Variants in SORBS2 observed in about 807,000 individuals in gnomAD.
SORBS2 encodes the protein sorbin and SH3 domain-containing protein 2.
A neutral mutation model predicts 97.7 loss-of-function variants in SORBS2; 46 were observed. That is an observed-to-expected ratio of 0.47 (90% CI 0.37 to 0.60). The LOEUF (loss-of-function observed/expected upper bound fraction) is 0.60. SORBS2 is among the 20% of genes least tolerant of loss of function. The pLI is 0.00. For synonymous variants in SORBS2, 476 were observed against 473.4 expected, an observed-to-expected ratio of 1.01 and a Z score of -0.07; for missense variants, 1,316 against 1,282.3, an observed-to-expected ratio of 1.03 and a Z score of -0.40.
At chr4:185,620,451 G>A (rs1222738571) in intron 7 of SORBS2, among the ~76,000 whole-genome samples, 1 of 151,976 alleles carries the variant, frequency 6.6e-6, no homozygotes, top group Non-Finnish European at 1.5e-5. Flanking sequence ...TAGTTAGAGG[G>A]ATTTTTCATA....
chr4:185,629,295 T>C (rs930704787), intron 5 of SORBS2, among the ~76,000 whole-genome samples: 3 of 152,090 alleles, frequency 2.0e-5, no homozygotes. Flanking sequence ...AGATTAAAAC[T>C]CTAAAATTCA....
intron 1 of SORBS2, among the ~76,000 whole-genome samples, chr4:185,937,379 T>C (rs1328849606): frequency 6.6e-6 from 1 of 152,218 alleles, no homozygotes; most frequent in African/African-American, 2.4e-5. Flanking sequence ...AACAGAGCTA[T>C]TGTTAGGGTG....
At chr4:185,832,529 G>T (rs368497959) in intron 1 of SORBS2, among the ~76,000 whole-genome samples, 1 of 152,190 alleles carries the variant, frequency 6.6e-6, no homozygotes, top group South Asian at 2.1e-4. Flanking sequence ...CATGGACGTG[G>T]TTTGGTCACA....
chr4:185,646,630 A>G, intron 4 of SORBS2, 38 bp downstream of exon 13: 1 of 1,334,448 alleles, frequency 7.5e-7, no homozygotes, highest in African/African-American at 1.4e-5. Flanking sequence ...CTGGGAGCCC[A>G]GCGAGCTGGC....
intron 5 of SORBS2, among the ~76,000 whole-genome samples, chr4:185,627,839 T>C (rs2096841972): frequency 6.6e-6 from 1 of 151,720 alleles, no homozygotes; most frequent in South Asian, 2.1e-4. Flanking sequence ...TTTTCATCCC[T>C]CCCTTCCTCC....
At chr4:185,952,248 G>T (rs188120244) in intron 1 of SORBS2, among the ~76,000 whole-genome samples, 2 of 152,046 alleles carry the variant, frequency 1.3e-5, no homozygotes, top group African/African-American at 4.8e-5. Flanking sequence ...GGCTGGTCTC[G>T]AACTCCTGAC....
intron 1 of SORBS2, among the ~76,000 whole-genome samples, chr4:185,809,576 T>A (rs1482555274): frequency 6.8e-6 from 1 of 147,950 alleles, no homozygotes; most frequent in African/African-American, 2.5e-5. Context: ...AAAATAGCCA[T>A]AAGCGAAAGT....
At chr4:185,948,760 C>T (rs2099275782) in intron 1 of SORBS2, among the ~76,000 whole-genome samples, 1 of 151,760 alleles carries the variant, frequency 6.6e-6, no homozygotes, top group Non-Finnish European at 1.5e-5. Context: ...TCAGGTGATC[C>T]ACCCGCCTCG....
chr4:185,893,547 G>A (rs2099243511), intron 1 of SORBS2, among the ~76,000 whole-genome samples: 1 of 152,170 alleles, frequency 6.6e-6, no homozygotes, highest in African/African-American at 2.4e-5. Flanking sequence ...AGCTTCTGAA[G>A]GTTTGATAAT....
intron 1 of SORBS2, among the ~76,000 whole-genome samples, chr4:185,817,305 A>G (rs2153669583): frequency 6.6e-6 from 1 of 152,304 alleles, no homozygotes; most frequent in South Asian, 2.1e-4. Flanking sequence ...GTAGCTAGAG[A>G]AAAGTACTCC....
At chr4:185,871,390 A>T (rs989106825) in intron 1 of SORBS2, among the ~76,000 whole-genome samples, 2 of 152,240 alleles carry the variant, frequency 1.3e-5, no homozygotes, top group African/African-American at 4.8e-5. Flanking sequence ...AAGAGAGCTT[A>T]GGTAACTACA....
At chr4:185,884,700 CA>C (rs2099238508) in intron 1 of SORBS2, among the ~76,000 whole-genome samples, 1 of 152,176 alleles carries the variant, frequency 6.6e-6, no homozygotes, top group African/African-American at 2.4e-5. Flanking sequence ...CACTTTCCTA[CA>C]ATGATCTCTC....
In SORBS2 at chr4:185,652,664, G is replaced by A. The variant is rs776231547; in HGVS notation, c.89C>T (p.Pro30Leu). 1.1e-5 allele frequency: 18 copies of A among 1,613,328 alleles called. No individual in the cohort carries two copies. The highest frequency in any genetic ancestry group is 6.7e-5 in the Admixed American group (4 of 60,004). ...AGAAAGCAGAGCAGCAGACATACCC[G>A]GCTTGTGCACCATGTGAATTTGCTT... is the stretch of plus-strand genomic sequence containing the variant. The change falls in exon 2 of 15, where the codon CCG (proline) becomes CTG (leucine). Residue 30 changes from proline to leucine, a missense_variant and splice_region_variant. Coordinates refer to ENST00000418609, the Ensembl canonical transcript of SORBS2.
intron 1 of SORBS2, among the ~76,000 whole-genome samples, chr4:185,905,937 AC>A (rs1483146882): frequency 2.0e-5 from 3 of 152,094 alleles, no homozygotes; most frequent in African/African-American, 7.2e-5. Context: ...CAAAGAGAGG[AC>A]CCTCTGCCTC....
At position 185,908,319 on chromosome 4, in the gene SORBS2, ATATT is replaced by A. The variant is rs1402190606; in HGVS notation, c.-338+47873_-338+47876del. On this transcript the variant is annotated intron_variant, in intron 1 of 20. Transcript: ENST00000284776. ...TATATATATATATATATATATATATATATTTGTATACACACAAATATATATATAT... is the reference window on the plus strand; with the variant it reads ...TATATATATATATATATATATATATATGTATACACACAAATATATATATAT... Among the ~76,000 whole-genome samples, 160 of 133,584 alleles carry A rather than the reference ATATT, an allele frequency of 1.2e-3. 1 individual carries two copies. Among genetic ancestry groups the A allele is most frequent in the Non-Finnish European group, 2.1e-3 (130 of 60,978 alleles). 87.6% of individuals were successfully genotyped at this position (133,584 alleles called of 152,430 possible).
intron 4 of SORBS2, among the ~76,000 whole-genome samples, chr4:185,634,754 T>C (rs1014820519): frequency 1.3e-5 from 2 of 152,128 alleles, no homozygotes; most frequent in Non-Finnish European, 2.9e-5. Flanking sequence ...TATATGCCAA[T>C]GATAATTTGT....
intron 1 of SORBS2, among the ~76,000 whole-genome samples, chr4:185,889,428 C>T (rs961812363): frequency 2.0e-5 from 3 of 151,932 alleles, no homozygotes; most frequent in Non-Finnish European, 2.9e-5. Context: ...ACCTGGTCTC[C>T]GTGTTCACCT....
intron 1 of SORBS2, among the ~76,000 whole-genome samples, chr4:185,885,737 C>T (rs780323532): frequency 3.4e-4 from 51 of 152,174 alleles, no homozygotes; most frequent in Non-Finnish European, 6.0e-4. Flanking sequence ...CTAGAATATC[C>T]TTGGCATCTC....
rs889280521 is a variant in SORBS2 at position 185,623,719 on chromosome 4, C to A, written c.1410G>T (p.Arg470=). ...CGTTAGACTGGCAGCCTCGCCGGCCCCGAGCGGGGGGGCCGCTTTGATTTT... is the reference window on the plus strand; with the variant it reads ...CGTTAGACTGGCAGCCTCGCCGGCCACGAGCGGGGGGGCCGCTTTGATTTT... The change falls in exon 7 of 15, where the codon CGG becomes CGT. Residue 470 remains arginine, a synonymous_variant. Coordinates refer to ENST00000418609, the Ensembl canonical transcript of SORBS2. The surrounding 1 kb of genome is among the most constrained non-coding windows in gnomAD (Gnocchi z 6.4). 7 of 1,613,972 alleles carry A rather than the reference C, an allele frequency of 4.3e-6. No individual in the cohort carries two copies. Among genetic ancestry groups the A allele is most frequent in the Non-Finnish European group, 5.9e-6 (7 of 1,180,012 alleles).
Sources: allele counts gnomAD v4.1 joint callset (sites outside exome capture counted in the v4.1 genomes callset), GRCh38; gene constraint gnomAD v4.1.1; non-coding constraint Gnocchi (gnomAD v3.1); transcripts MANE v1.5; gene names NCBI Gene and HGNC (gene_info 2026-07-23, HGNC 2026-07-21).